Variants in TRIM39 observed in about 807,000 individuals in gnomAD.
TRIM39 encodes tripartite motif containing 39.
A neutral mutation model predicts 53.6 loss-of-function variants in TRIM39; 5 were observed. That is an observed-to-expected ratio of 0.09 (90% CI 0.05 to 0.20). The LOEUF is 0.20. TRIM39 is among the 10% of genes least tolerant of loss of function. TRIM39 has a pLI of 1.00. For missense variants in TRIM39, 310 were observed against 621.0 expected, an observed-to-expected ratio of 0.50 and a Z score of 5.32; for synonymous variants, 196 against 237.6, an observed-to-expected ratio of 0.82 and a Z score of 1.61.
At chr6:30,343,718 CCA>C (rs1787801895) in exon 8 of TRIM39, 1 of 152,642 alleles carries the variant, frequency 6.6e-6, no homozygotes, top group Non-Finnish European at 1.5e-5. Context: ...AACAAAGGAT[CCA>C]CTGAAGTGAT....
At position 30,329,819 on chromosome 6, in the gene TRIM39, G is replaced by T. The variant is rs1008487226; in HGVS notation, c.453+49G>T. On this transcript the variant is annotated intron_variant, in intron 3 of 7. Coordinates refer to ENST00000396551, the Ensembl canonical transcript of TRIM39. ...CAGTGTGGGTAAAAAGGGAGAAGCG[G>T]CAGAGGATGAGATACTCCCTAGGTA... The T allele has an allele frequency of 5.1e-6, 8 of 1,580,730 alleles. No homozygotes were observed. In the African/African-American group the frequency reaches 9.4e-5, roughly 19 times the overall value.
chr6:30,339,007 G>T lies in TRIM39; in HGVS notation c.781-901G>T, dbSNP rs938606893. Among the ~76,000 whole-genome samples the T allele has an allele frequency of 2.0e-5, 3 of 152,088 alleles. No homozygotes were observed. Among genetic ancestry groups the T allele is most frequent in the Non-Finnish European group, 2.9e-5 (2 of 68,006 alleles). On this transcript the variant is annotated intron_variant, in intron 5 of 7. Transcript: ENST00000396551. This position sits in a 1 kb window ranked among gnomAD's most constrained non-coding sequence, Gnocchi z 4.2. ...TTATGTTACGTATTGCTTGGTATTT[G>T]TTCCTATGGCCTTTCATGTATGTGT...
intron 5 of TRIM39, among the ~76,000 whole-genome samples, chr6:30,336,605 G>C (rs1470546153): frequency 6.6e-6 from 1 of 152,198 alleles, no homozygotes; most frequent in African/African-American, 2.4e-5. Flanking sequence ...TTTTATGAAA[G>C]ATATCTCTGA....
intron 7 of TRIM39, 89 bp from the exon 8 acceptor site, chr6:30,341,623 G>A: frequency 1.3e-6 from 2 of 1,496,550 alleles, no homozygotes; most frequent in East Asian, 4.9e-5. Context: ...AAGGGACCAG[G>A]CTCTGTAAAG....
rs1017770623 is a variant in TRIM39 at position 30,335,655 on chromosome 6, C to T, written c.550-90C>T. 91 of 1,451,202 alleles carry T rather than the reference C, an allele frequency of 6.3e-5. No homozygotes were observed. Among genetic ancestry groups the T allele is most frequent in the Middle Eastern group, 4.7e-4 (2 of 4,290 alleles). 89.9% of individuals were successfully genotyped at this position (1,451,202 alleles called of 1,614,324 possible). A position where few individuals can be genotyped will look rare whatever the true frequency, so the allele number is the denominator to read the frequency against. On this transcript the variant is annotated intron_variant, in intron 4 of 7. Coordinates refer to ENST00000396551, the Ensembl canonical transcript of TRIM39. This position sits in a 1 kb window ranked among gnomAD's most constrained non-coding sequence, Gnocchi z 4.7. ...AACCATTTTCAATGAAACTGGAAGT[C>T]TGTGTTAATTCATACATATGGTGGG... is the stretch of plus-strand genomic sequence containing the variant.
intron 5 of TRIM39, 29 bp downstream of exon 5, chr6:30,336,004 C>T (rs763618444): frequency 1.2e-6 from 2 of 1,612,242 alleles, no homozygotes; most frequent in Non-Finnish European, 1.7e-6. Context: ...CATAGCCCCT[C>T]AGGCTGAGTG....
At chr6:30,337,332 G>C (rs1245706328) in intron 5 of TRIM39, among the ~76,000 whole-genome samples, 1 of 152,148 alleles carries the variant, frequency 6.6e-6, no homozygotes, top group East Asian at 1.9e-4. Context: ...TTGAACCCGA[G>C]AGGCAGAGGT....
chr6:30,343,040 TC>T (rs1203163894), exon 8 of TRIM39: 1 of 152,620 alleles, frequency 6.6e-6, no homozygotes, highest in African/African-American at 2.4e-5. Context: ...CTTGCTCCTC[TC>T]CAGAGGCAAA....
intron 4 of TRIM39, 116 bp downstream of exon 4, chr6:30,330,992 G>A (rs1210796555): frequency 1.1e-5 from 13 of 1,221,968 alleles, no homozygotes; most frequent in African/African-American, 3.0e-5. Context: ...AGTTCTCGCC[G>A]GACATGGTGG....
intron 1 of TRIM39, chr6:30,327,203 C>T (rs1032152458): frequency 6.5e-6 from 1 of 152,688 alleles, no homozygotes; most frequent in Non-Finnish European, 1.5e-5. Context: ...GCCGTTCCCC[C>T]GTCCCGCTGC....
At position 30,328,888 on chromosome 6, in the gene TRIM39, G is replaced by C. The variant is rs1285964364; in HGVS notation, c.-160-1G>C. 1 of 163,700 alleles carries C rather than the reference G, an allele frequency of 6.1e-6. No homozygotes were observed. The highest frequency in any genetic ancestry group is 1.8e-4 in the East Asian group (1 of 5,698). 10.1% of individuals were successfully genotyped at this position (163,700 alleles called of 1,614,324 possible). On this transcript the variant is annotated splice_acceptor_variant, in intron 1 of 7. Transcript: ENST00000396551. LOFTEE classifies it low-confidence loss of function (5UTR_SPLICE). ...ATTTTTATGACTTTTTTACTTCTCA[G>C]ATTCCTTTCTTGTCTGTTAGAAACG...
intron 4 of TRIM39, among the ~76,000 whole-genome samples, chr6:30,334,950 T>G (rs1013695309): frequency 1.3e-5 from 2 of 152,176 alleles, no homozygotes; most frequent in African/African-American, 4.8e-5. Context: ...TAGGTTGGTC[T>G]TGGCCTCAAG....
At position 30,335,321 on chromosome 6, in the gene TRIM39, T is replaced by G. The variant is rs183939779; in HGVS notation, c.550-424T>G. Among the ~76,000 whole-genome samples, 205 of 152,274 alleles carry G rather than the reference T, an allele frequency of 1.3e-3. 2 individuals are homozygous for G. Among genetic ancestry groups the G allele is most frequent in the African/African-American group, 3.1e-3 (128 of 41,536 alleles). Reference sequence around the variant, plus strand: ...TCTTTCTGTCTTTGTCTTTCTGTCTTTCTTTCCTGTCTGTCTGTCTTTCAT... The same window carrying G: ...TCTTTCTGTCTTTGTCTTTCTGTCTGTCTTTCCTGTCTGTCTGTCTTTCAT... On this transcript the variant is annotated intron_variant, in intron 4 of 7. Coordinates refer to ENST00000396551, the Ensembl canonical transcript of TRIM39. This position sits in a 1 kb window ranked among gnomAD's most constrained non-coding sequence, Gnocchi z 4.7.
At chr6:30,341,127 G>A (rs1010034512) in intron 7 of TRIM39, among the ~76,000 whole-genome samples, 2 of 151,538 alleles carry the variant, frequency 1.3e-5, no homozygotes, top group African/African-American at 4.9e-5. Context: ...AGAACTGCTT[G>A]AACCTGGGAA....
chr6:30,328,679 A>G (rs967823148), intron 1 of TRIM39, among the ~76,000 whole-genome samples: 4 of 151,918 alleles, frequency 2.6e-5, no homozygotes, highest in Non-Finnish European at 4.4e-5. Context: ...ATTAGTGTCA[A>G]TGTATTTTAT....
chr6:30,336,057 C>G (rs1275974236), intron 5 of TRIM39, 82 bp downstream of exon 5: 2 of 1,556,484 alleles, frequency 1.3e-6, no homozygotes, highest in South Asian at 1.2e-5. Context: ...GCCTGGGATA[C>G]TCATTCTTCT....
intron 5 of TRIM39, among the ~76,000 whole-genome samples, chr6:30,336,296 A>G (rs1195730109): frequency 1.3e-5 from 2 of 152,230 alleles, no homozygotes; most frequent in Non-Finnish European, 2.9e-5. Context: ...TGCAGTTACC[A>G]TTACTTTTAA....
chr6:30,329,791 T>C (rs1275520226), intron 3 of TRIM39, 21 bp downstream of exon 3: 4 of 1,602,780 alleles, frequency 2.5e-6, no homozygotes, highest in African/African-American at 1.3e-5. Flanking sequence ...AGACACACGA[T>C]GTCAGTGTGG....
At chr6:30,329,063 T>C (rs532163221) in intron 2 of TRIM39, 22 bp downstream of exon 2, 7 of 515,236 alleles carry the variant, frequency 1.4e-5, no homozygotes, top group African/African-American at 3.9e-5. Flanking sequence ...GATAGATCAA[T>C]TGGGGGTTGT....
Sources: allele counts gnomAD v4.1 joint callset (sites outside exome capture counted in the v4.1 genomes callset), GRCh38; gene constraint gnomAD v4.1.1; non-coding constraint Gnocchi (gnomAD v3.1); transcripts MANE v1.5; gene names NCBI Gene and HGNC (gene_info 2026-07-23, HGNC 2026-07-21).